Variants in SGCG observed in about 807,000 individuals in gnomAD.
The protein encoded by SGCG is sarcoglycan gamma.
In SGCG, 26 loss-of-function variants were observed where a neutral mutation model predicts 29.3. The observed-to-expected ratio is 0.89, with a 90% CI of 0.65 to 1.23. The LOEUF (loss-of-function observed/expected upper bound fraction) is 1.23. Ranked by LOEUF, SGCG falls within the 50% of genes most tolerant of loss-of-function variation. The pLI is 0.00. For missense variants in SGCG, 353 were observed against 356.0 expected, an observed-to-expected ratio of 0.99 and a Z score of 0.07; for synonymous variants, 145 against 129.7, an observed-to-expected ratio of 1.12 and a Z score of -0.80.
chr13:23,241,463 C>T (rs575694584), intron 3 of SGCG, among the ~76,000 whole-genome samples: 4 of 152,096 alleles, frequency 2.6e-5, no homozygotes, highest in East Asian at 3.9e-4. Context: ...GTAACAACAT[C>T]GAATTAGTAA....
At chr13:23,223,000 T>G (rs532593697) in intron 2 of SGCG, among the ~76,000 whole-genome samples, 1 of 151,904 alleles carries the variant, frequency 6.6e-6, no homozygotes, top group African/African-American at 2.4e-5. Flanking sequence ...ACAAATAGGC[T>G]GGGCACAGTG....
At chr13:23,170,076 G>A in the SGCG span, 2 of 152,146 alleles carry the variant, frequency 1.3e-5, no homozygotes, top group Non-Finnish European at 2.9e-5. Context: ...TAAAAGTAGT[G>A]GAATTTGCTC....
upstream of SGCG, among the ~76,000 whole-genome samples, chr13:23,180,407 C>T (rs1876689001): frequency 6.6e-6 from 1 of 151,954 alleles, no homozygotes; most frequent in Non-Finnish European, 1.5e-5. Flanking sequence ...GTTTGTTTAC[C>T]TTCTATTATG....
Position 23,200,434 on chromosome 13 carries a change from A to AAAC in SGCG, c.1-3258_1-3256dup, listed in dbSNP as rs529007499. 8.5e-3 allele frequency among the ~76,000 whole-genome samples: 1,301 copies of AAAC among 152,296 alleles called. 19 individuals are homozygous for AAAC. Among genetic ancestry groups the AAAC allele is most frequent in the African/African-American group, 0.03 (1,248 of 41,542 alleles). ...CAAGAATCTGTTTCAAAAAACAAAC[A>AAAC]AACAAACAAAAAAACTGGGAATTTT... On this transcript the variant is annotated intron_variant, in intron 1 of 7. Transcript: ENST00000218867.
intron 6 of SGCG, among the ~76,000 whole-genome samples, chr13:23,296,032 A>C (rs555898848): frequency 6.6e-6 from 1 of 152,376 alleles, no homozygotes; most frequent in African/African-American, 2.4e-5. Context: ...ATGTCTGCTC[A>C]TCCCTCAAGT....
chr13:23,225,126 C>T (rs1269732083), intron 2 of SGCG, among the ~76,000 whole-genome samples: 1 of 152,182 alleles, frequency 6.6e-6, no homozygotes, highest in Non-Finnish European at 1.5e-5. Context: ...CTTCCACCAC[C>T]TCATCCTCAG....
chr13:23,169,731 C>G, the SGCG span: 152 of 150,926 alleles, frequency 1.0e-3, 1 homozygote, highest in African/African-American at 3.5e-3. Flanking sequence ...CACACACACA[C>G]ACACACACAC....
chr13:23,197,058 G>A (rs1377965153), intron 1 of SGCG, among the ~76,000 whole-genome samples: 2 of 152,078 alleles, frequency 1.3e-5, no homozygotes, highest in East Asian at 3.8e-4. Flanking sequence ...GCCTTATTAT[G>A]ATCTGTGTGT....
Position 23,260,609 on chromosome 13 carries a change from G to T in SGCG, c.385+9892G>T, listed in dbSNP as rs138401218. Reference sequence around the variant, plus strand: ...CATTATGATGTTAGCTGGTTATTTTGCCCATTAGTTGATGCAGTTTCTTGC... The same window carrying T: ...CATTATGATGTTAGCTGGTTATTTTTCCCATTAGTTGATGCAGTTTCTTGC... On this transcript the variant is annotated intron_variant, in intron 4 of 7. Transcript: ENST00000218867. Among the ~76,000 whole-genome samples, 1,402 of 152,156 alleles carry T rather than the reference G, an allele frequency of 9.2e-3. 26 individuals carry two copies. Among genetic ancestry groups the T allele is most frequent in the African/African-American group, 0.032 (1,319 of 41,504 alleles).
intron 6 of SGCG, among the ~76,000 whole-genome samples, chr13:23,312,285 C>T (rs1312435444): frequency 6.6e-6 from 1 of 152,182 alleles, no homozygotes; most frequent in Non-Finnish European, 1.5e-5. Flanking sequence ...TATAAAAACC[C>T]ACAAGATGCT....
chr13:23,261,383 A>T (rs967025704), intron 4 of SGCG, among the ~76,000 whole-genome samples: 2 of 152,090 alleles, frequency 1.3e-5, no homozygotes, highest in African/African-American at 4.8e-5. Flanking sequence ...TTTTAAAAAT[A>T]GACTAGTCCA....
rs140839577 is a variant in SGCG at position 23,224,085 on chromosome 13, A to G, written c.196-10526A>G. ...GACATTTTAGTGGTTTCCATTTTCT[A>G]TGTATGTGACTGGAACAGTAGGAAG... On this transcript the variant is annotated intron_variant, in intron 2 of 7. Transcript: ENST00000218867. Among the ~76,000 whole-genome samples, 215 of 152,328 alleles carry G rather than the reference A, an allele frequency of 1.4e-3. 2 individuals carry two copies. The highest frequency in any genetic ancestry group is 4.9e-3 in the African/African-American group (205 of 41,558).
chr13:23,223,748 A>G (rs1031069514), intron 2 of SGCG, among the ~76,000 whole-genome samples: 7 of 152,118 alleles, frequency 4.6e-5, no homozygotes, highest in Admixed American at 6.6e-5. Flanking sequence ...AGGGCAGATC[A>G]TGAGGTCAGG....
intron 6 of SGCG, among the ~76,000 whole-genome samples, chr13:23,315,035 A>G (rs1882754790): frequency 6.6e-6 from 1 of 152,242 alleles, no homozygotes; most frequent in South Asian, 2.1e-4. Context: ...CATATGACTC[A>G]GCAGATCCAA....
chr13:23,171,164 A>G, the SGCG span, among the ~76,000 whole-genome samples: 2 of 152,182 alleles, frequency 1.3e-5, no homozygotes, highest in Admixed American at 6.5e-5. Context: ...TCTGTAAGTC[A>G]TGTATCTTAT....
At chr13:23,255,284 T>G (rs1001455158) in intron 4 of SGCG, among the ~76,000 whole-genome samples, 1 of 152,240 alleles carries the variant, frequency 6.6e-6, no homozygotes, top group Non-Finnish European at 1.5e-5. Flanking sequence ...CCCTTTCCTT[T>G]GACTGATTTC....
intron 4 of SGCG, among the ~76,000 whole-genome samples, chr13:23,270,756 T>A (rs189191711): frequency 2.6e-4 from 40 of 152,344 alleles, no homozygotes; most frequent in Admixed American, 2.0e-3. Context: ...TTGAAAGACT[T>A]CCTTGTACCA....
chr13:23,243,579 C>A (rs918262781), intron 3 of SGCG: 1 of 152,082 alleles, frequency 6.6e-6, no homozygotes, highest in African/African-American at 2.4e-5. Context: ...GAAGTGAATC[C>A]CAGAACAGCT....
chr13:23,264,792 T>A (rs1880575547), intron 4 of SGCG, among the ~76,000 whole-genome samples: 1 of 152,292 alleles, frequency 6.6e-6, no homozygotes, highest in South Asian at 2.1e-4. Context: ...AACTAATTGA[T>A]CTTTGACAAA....
Sources: allele counts gnomAD v4.1 joint callset (sites outside exome capture counted in the v4.1 genomes callset), GRCh38; gene constraint gnomAD v4.1.1; transcripts MANE v1.5; gene names NCBI Gene and HGNC (gene_info 2026-07-23, HGNC 2026-07-21).